Variants in ZNF831 observed in about 807,000 individuals in gnomAD.
The protein encoded by ZNF831 is zinc finger protein 831.
ZNF831 carries 59 observed loss-of-function variants against 95.8 expected under a neutral mutation model. The observed-to-expected ratio is 0.62, with a 90% CI of 0.50 to 0.77. ZNF831 has a LOEUF of 0.77. Ranked by LOEUF, ZNF831 falls within the 30% of genes least tolerant of loss-of-function variation. ZNF831 has a pLI of 0.00. For synonymous variants in ZNF831, 961 were observed against 925.5 expected, an observed-to-expected ratio of 1.04 and a Z score of -0.70; for missense variants, 2,205 against 2,164.0, an observed-to-expected ratio of 1.02 and a Z score of -0.38.
intron 4 of ZNF831, among the ~76,000 whole-genome samples, chr20:59,213,993 C>T (rs1021607469): frequency 3.3e-5 from 5 of 152,188 alleles, no homozygotes; most frequent in African/African-American, 9.7e-5. Flanking sequence ...AAGGCACAAT[C>T]CCTATTGTCA....
chr20:59,215,181 G>A (rs149940418), intron 4 of ZNF831, among the ~76,000 whole-genome samples: 23 of 152,262 alleles, frequency 1.5e-4, no homozygotes, highest in African/African-American at 4.8e-4. Context: ...CACATTTTGC[G>A]GAACTGAATG....
chr20:59,219,329 C>A (rs1027361301), intron 4 of ZNF831, among the ~76,000 whole-genome samples: 1 of 152,132 alleles, frequency 6.6e-6, no homozygotes, highest in African/African-American at 2.4e-5. Context: ...ATTACTGGGG[C>A]CTGTTCTGTG....
At chr20:59,139,105 C>G (rs2146442641) in intron 1 of ZNF831, among the ~76,000 whole-genome samples, 1 of 152,168 alleles carries the variant, frequency 6.6e-6, no homozygotes, top group South Asian at 2.1e-4. Context: ...TTCTCTATCT[C>G]TGTAATTTTG....
At chr20:59,135,147 A>T (rs1979462878) in intron 1 of ZNF831, among the ~76,000 whole-genome samples, 1 of 152,216 alleles carries the variant, frequency 6.6e-6, no homozygotes, top group South Asian at 2.1e-4. Context: ...CACTGGGCTC[A>T]TGTTCTACTG....
chr20:59,164,496 CTGT>C (rs1468694750), intron 1 of ZNF831, among the ~76,000 whole-genome samples: 1 of 152,120 alleles, frequency 6.6e-6, no homozygotes, highest in African/African-American at 2.4e-5. Context: ...GCTTTATAAA[CTGT>C]TTTTTTTCCC....
upstream of ZNF831, among the ~76,000 whole-genome samples, chr20:59,159,112 A>C (rs979606443): frequency 6.6e-6 from 1 of 152,190 alleles, no homozygotes; most frequent in East Asian, 1.9e-4. Context: ...TAAATGATAA[A>C]AGCAAGTCAA....
intron 1 of ZNF831, among the ~76,000 whole-genome samples, chr20:59,136,583 G>T (rs566155986): frequency 2.2e-4 from 34 of 152,262 alleles, no homozygotes; most frequent in African/African-American, 7.9e-4. Flanking sequence ...ATGATCCTTT[G>T]CGGTAGATAC....
chr20:59,133,975 G>A (rs1035732051), intron 1 of ZNF831, among the ~76,000 whole-genome samples: 1 of 152,240 alleles, frequency 6.6e-6, no homozygotes, highest in African/African-American at 2.4e-5. Flanking sequence ...CTTGGCCCAT[G>A]GTGGGGCTGC....
intron 4 of ZNF831, among the ~76,000 whole-genome samples, chr20:59,222,234 C>T (rs536119932): frequency 6.6e-6 from 1 of 152,342 alleles, no homozygotes; most frequent in South Asian, 2.1e-4. Context: ...CTGGGCTGAG[C>T]TGGGCTGGGG....
intron 2 of ZNF831, among the ~76,000 whole-genome samples, chr20:59,154,532 T>C (rs1393938969): frequency 6.6e-6 from 1 of 152,238 alleles, no homozygotes; most frequent in Non-Finnish European, 1.5e-5. Context: ...TCAGACTCCA[T>C]GAGGAGTTCC....
intron 3 of ZNF831, among the ~76,000 whole-genome samples, chr20:59,199,351 G>T (rs1443161124): frequency 2.0e-5 from 3 of 151,806 alleles, no homozygotes; most frequent in Non-Finnish European, 4.4e-5. Context: ...AAATTTAAAA[G>T]ATTATTATGT....
In ZNF831 at chr20:59,254,708, A is replaced by G. The variant is rs1163363349; in HGVS notation, c.4999A>G (p.Ser1667Gly). ...QTRVEFSDTS[S>G]DDEDRLVIEI Reference sequence around the variant, plus strand: ...TCGAGTAGAGTTCAGTGACACCAGCAGCGACGATGAAGACCGATTAGTTAT... The same window carrying G: ...TCGAGTAGAGTTCAGTGACACCAGCGGCGACGATGAAGACCGATTAGTTAT... Residue 1667 changes from serine to glycine, a missense_variant, in exon 6 of 6, where the codon AGC (serine) becomes GGC (glycine). Ser to Gly is a moderately conservative substitution (Grantham distance 56). Coordinates refer to ENST00000371030, the MANE Select transcript of ZNF831 (RefSeq NM_178457.3). This position sits in a 1 kb window ranked among gnomAD's most constrained non-coding sequence, Gnocchi z 4.5. 6.2e-7 allele frequency: 1 copy of G among 1,613,224 alleles called. No individual in the cohort carries two copies.
intron 4 of ZNF831, among the ~76,000 whole-genome samples, chr20:59,207,757 A>G (rs968800669): frequency 6.6e-6 from 1 of 152,006 alleles, no homozygotes; most frequent in African/African-American, 2.4e-5. Context: ...AAAAATGAAT[A>G]CCCTGTGGGA....
At chr20:59,134,759 C>A (rs758228154) in intron 1 of ZNF831, among the ~76,000 whole-genome samples, 8 of 152,318 alleles carry the variant, frequency 5.3e-5, no homozygotes, top group Middle Eastern at 3.4e-3. Context: ...CCTCACAGAG[C>A]CCTGGAGCCA....
At chr20:59,179,647 C>T (rs1172303787) in intron 1 of ZNF831, among the ~76,000 whole-genome samples, 7 of 152,084 alleles carry the variant, frequency 4.6e-5, no homozygotes, top group Admixed American at 2.0e-4. Context: ...TCTCTGCCTC[C>T]GTCCTCGCGT....
At chr20:59,166,481 C>A (rs2146483732) in intron 1 of ZNF831, among the ~76,000 whole-genome samples, 1 of 152,242 alleles carries the variant, frequency 6.6e-6, no homozygotes, top group African/African-American at 2.4e-5. Context: ...AAATCACAAT[C>A]AAAATATTGA....
chr20:59,196,601 C>T (rs1376132425), intron 3 of ZNF831, among the ~76,000 whole-genome samples: 5 of 152,170 alleles, frequency 3.3e-5, no homozygotes, highest in East Asian at 3.9e-4. Context: ...AGTTGAAAAG[C>T]GAATTCTCTA....
At chr20:59,198,562 G>A (rs2146615705) in intron 3 of ZNF831, among the ~76,000 whole-genome samples, 1 of 152,270 alleles carries the variant, frequency 6.6e-6, no homozygotes, top group African/African-American at 2.4e-5. Context: ...TTACTAGCTG[G>A]CCTTGTGGAA....
intron 1 of ZNF831, among the ~76,000 whole-genome samples, chr20:59,128,012 C>T (rs540499301): frequency 4.6e-5 from 7 of 152,310 alleles, no homozygotes; most frequent in South Asian, 4.1e-4. Flanking sequence ...TCCTGGGGGC[C>T]GTGGCCCAGT....
Sources: gnomAD v4.1 joint callset for allele counts (sites outside exome capture counted in the v4.1 genomes callset) on GRCh38, gnomAD v4.1.1 for gene constraint, Gnocchi (gnomAD v3.1) non-coding constraint, MANE v1.5 for transcripts, NCBI Gene and HGNC (gene_info 2026-07-23, HGNC 2026-07-21) for gene names.